Variants in PIGK observed in about 807,000 individuals in gnomAD.
PIGK encodes the protein phosphatidylinositol glycan anchor biosynthesis class K.
In PIGK, 42 loss-of-function variants were observed where a neutral mutation model predicts 50.6. The ratio of observed to expected loss-of-function variants is 0.83; its 90% CI spans 0.65 to 1.07. The LOEUF is 1.07. Among genes scored for constraint, PIGK ranks in the 50% least tolerant of loss-of-function variants. The pLI, the probability that PIGK is intolerant of heterozygous loss-of-function variation, is 0.00. For missense variants in PIGK, 448 were observed against 488.7 expected (o/e 0.92, Z 0.78); for synonymous variants, 151 against 156.0 (o/e 0.97, Z 0.24).
intron 3 of PIGK, among the ~76,000 whole-genome samples, chr1:77,193,931 T>C (rs1178648270): frequency 6.6e-6 from 1 of 152,084 alleles, no homozygotes; most frequent in Non-Finnish European, 1.5e-5. Flanking sequence ...GTCTGCAAAC[T>C]ATGCATCTAA....
intron 10 of PIGK, among the ~76,000 whole-genome samples, chr1:77,102,475 G>A (rs1219805391): frequency 6.6e-6 from 1 of 152,122 alleles, no homozygotes; most frequent in Admixed American, 6.5e-5. Flanking sequence ...CAAGAGCGAT[G>A]ACAACTTAAG....
At chr1:77,203,457 G>C (rs112279760) in intron 3 of PIGK, among the ~76,000 whole-genome samples, 1,920 of 152,232 alleles carry the variant, frequency 0.013, 44 homozygotes, top group African/African-American at 0.044. Flanking sequence ...AACCTCACCT[G>C]CATGGAACTT....
chr1:77,138,007 T>C (rs1654561181), intron 9 of PIGK, among the ~76,000 whole-genome samples: 1 of 152,222 alleles, frequency 6.6e-6, no homozygotes, highest in Non-Finnish European at 1.5e-5. Flanking sequence ...TTATTCTGTA[T>C]TGTGGTAAGC....
At chr1:77,208,470 CA>C (rs1656342266) in intron 2 of PIGK, among the ~76,000 whole-genome samples, 2 of 152,084 alleles carry the variant, frequency 1.3e-5, no homozygotes, top group Non-Finnish European at 2.9e-5. Context: ...ATTTTAGTTC[CA>C]AAAGATAAGC....
At chr1:77,180,371 C>G (rs972193931) in intron 3 of PIGK, among the ~76,000 whole-genome samples, 7 of 142,290 alleles carry the variant, frequency 4.9e-5, no homozygotes, top group Admixed American at 4.8e-4. Flanking sequence ...CAAAATCATG[C>G]ATTCCTATTA....
intron 10 of PIGK, among the ~76,000 whole-genome samples, chr1:77,092,692 A>G (rs1190502640): frequency 6.6e-6 from 1 of 152,144 alleles, no homozygotes; most frequent in Non-Finnish European, 1.5e-5. Context: ...GGCTCCTAAC[A>G]AAGATCAGTT....
rs149822427 is a variant in PIGK at position 77,174,727 on chromosome 1, T to C, written c.240-5332A>G. ...TTCCCCCTTTATGGGATCCAGGATCTGATATAAAAATGAGAATGAGACCCT... is the reference window on the plus strand; with the variant it reads ...TTCCCCCTTTATGGGATCCAGGATCCGATATAAAAATGAGAATGAGACCCT... On this transcript the variant is annotated intron_variant, in intron 3 of 10. Transcript: ENST00000370812. Among the ~76,000 whole-genome samples, 299 of 152,264 alleles carry C rather than the reference T, an allele frequency of 2.0e-3. 2 individuals are homozygous for C. The highest frequency in any genetic ancestry group is 6.9e-3 in the African/African-American group (288 of 41,550).
At chr1:77,170,732 A>T (rs1354263513) in intron 3 of PIGK, among the ~76,000 whole-genome samples, 1 of 152,246 alleles carries the variant, frequency 6.6e-6, no homozygotes, top group Non-Finnish European at 1.5e-5. Context: ...CTCTACCATT[A>T]AAACTGGTGA....
intron 10 of PIGK, among the ~76,000 whole-genome samples, chr1:77,106,162 A>G (rs752378043): frequency 1.3e-5 from 2 of 152,236 alleles, no homozygotes; most frequent in Non-Finnish European, 2.9e-5. Context: ...TAAATTTACT[A>G]TAACAGGATT....
At chr1:77,110,821 G>A (rs1456878213) in intron 10 of PIGK, among the ~76,000 whole-genome samples, 6 of 152,100 alleles carry the variant, frequency 3.9e-5, no homozygotes, top group Admixed American at 2.0e-4. Context: ...GAGTGAACAG[G>A]CAACCTACAG....
intron 3 of PIGK, among the ~76,000 whole-genome samples, chr1:77,188,188 C>T (rs1655795524): frequency 6.6e-6 from 1 of 152,168 alleles, no homozygotes; most frequent in Admixed American, 6.5e-5. Context: ...TAAACTCTGA[C>T]CACTGGTGAG....
chr1:77,218,085 T>C (rs1320546362), intron 1 of PIGK, among the ~76,000 whole-genome samples: 1 of 152,150 alleles, frequency 6.6e-6, no homozygotes, highest in African/African-American at 2.4e-5. Context: ...TTTTAACTGA[T>C]AGGGTGTGTA....
chr1:77,183,798 C>T (rs552081858), intron 3 of PIGK, among the ~76,000 whole-genome samples: 1 of 152,126 alleles, frequency 6.6e-6, no homozygotes, highest in South Asian at 2.1e-4. Flanking sequence ...GGTGGAAATG[C>T]CTGATCTCCC....
chr1:77,111,646 T>C (rs768966146), intron 10 of PIGK, among the ~76,000 whole-genome samples: 5 of 151,560 alleles, frequency 3.3e-5, no homozygotes, highest in South Asian at 2.1e-4. Context: ...TTAGGAGATA[T>C]ACCTAATGCT....
intron 3 of PIGK, among the ~76,000 whole-genome samples, chr1:77,171,450 A>AAAAG (rs1655360781): frequency 6.7e-6 from 1 of 148,686 alleles, no homozygotes; most frequent in African/African-American, 2.4e-5. Context: ...AAAAAAAAAA[A>AAAAG]AAAAAAAAAA....
chr1:77,206,724 G>A lies in PIGK; in HGVS notation c.155C>T (p.Thr52Ile). The change falls in exon 3 of 11, where the codon ACA becomes ATA. Residue 52 changes from threonine to isoleucine, a missense_variant. Thr to Ile is a moderately conservative substitution (Grantham distance 89, BLOSUM62 -1). Coordinates refer to ENST00000370812, the MANE Select transcript of PIGK (RefSeq NM_005482.3). ...TCGATAATTAAACCAGAATCGGGAT[G>A]TACACACCTGAAGTATTAAAACAAA... The part of the protein sequence containing the change: ...HTNNWAVLVC[T>I]SRFWFNYRHV... 1 of 1,598,744 alleles carries A rather than the reference G, an allele frequency of 6.3e-7. No homozygotes were observed.
chr1:77,195,444 G>T, intron 3 of PIGK: 2 of 953,376 alleles, frequency 2.1e-6, no homozygotes, highest in South Asian at 2.0e-5. Flanking sequence ...GGAATCTTTT[G>T]GTCAATAAAA....
chr1:77,180,548 G>C (rs374670525), intron 3 of PIGK, among the ~76,000 whole-genome samples: 1 of 152,096 alleles, frequency 6.6e-6, no homozygotes. Flanking sequence ...TTAAGGACAC[G>C]TGCCCAGGAC....
chr1:77,097,610 T>C (rs1653447822), intron 10 of PIGK, among the ~76,000 whole-genome samples: 1 of 152,162 alleles, frequency 6.6e-6, no homozygotes. Context: ...AACTTTCCTG[T>C]GATAAGAACA....
Sources: allele counts gnomAD v4.1 joint callset (sites outside exome capture counted in the v4.1 genomes callset), GRCh38; gene constraint gnomAD v4.1.1; transcripts MANE v1.5; gene names NCBI Gene and HGNC (gene_info 2026-07-23, HGNC 2026-07-21).